CXorf65: variants seen among roughly 807,000 people sequenced by gnomAD.
The protein encoded by CXorf65 is chromosome X open reading frame 65.
For synonymous variants in CXorf65, 54 were observed against 51.4 expected, an observed-to-expected ratio of 1.05 and a Z score of -0.21; for missense variants, 137 against 144.7, an observed-to-expected ratio of 0.95 and a Z score of 0.27.
intron 5 of CXorf65, 43 bp from the exon 6 acceptor site, chrX:71,104,155 A>C (rs570723300): frequency 8.4e-7 from 1 of 1,193,348 alleles, no homozygotes; most frequent in South Asian, 1.8e-5. Flanking sequence ...CCTGCAGGGA[A>C]GGTTTCTACA....
At position 71,104,756 on chromosome X, in the gene CXorf65, T is replaced by C; in HGVS notation, c.319+13A>G. ...ACCCTTCATGTTCTTCCCTCCCCCA[T>C]CTCACTTCTTACCAAGCAGCCAAGG... is the stretch of plus-strand genomic sequence containing the variant. On this transcript the variant is annotated intron_variant, in intron 4 of 5. Coordinates refer to ENST00000374251, the MANE Select transcript of CXorf65 (RefSeq NM_001025265.3). 8.4e-7 allele frequency: 1 copy of C among 1,196,983 alleles called. No individual in the cohort carries two copies. Among genetic ancestry groups the C allele is most frequent in the Non-Finnish European group, 1.1e-6 (1 of 882,988 alleles).
At chrX:71,106,496 C>A in intron 1 of CXorf65, 36 bp downstream of exon 1, 1 of 1,206,292 alleles carries the variant, frequency 8.3e-7, no homozygotes, top group Non-Finnish European at 1.1e-6. Context: ...TCCCTCCACC[C>A]CCATCCACAG....
At chrX:71,104,265 G>T (rs767154758) in intron 5 of CXorf65, 33 bp downstream of exon 5, 1 of 1,127,166 alleles carries the variant, frequency 8.9e-7, no homozygotes, top group East Asian at 3.0e-5. Context: ...GGAGAGGGGG[G>T]TGCTGGGGCA....
At chrX:71,105,906 A>G in intron 3 of CXorf65, 94 bp downstream of exon 3, 1 of 978,031 alleles carries the variant, frequency 1.0e-6, no homozygotes, top group Non-Finnish European at 1.4e-6. Flanking sequence ...ATGAGCCACT[A>G]TGCCCAGCCT....
Position 71,104,734 on chromosome X carries a change from C to T in CXorf65, c.319+35G>A, listed in dbSNP as rs781582849. The T allele has an allele frequency of 1.0e-5, 12 of 1,145,979 alleles. No homozygotes were observed. In the Admixed American group the frequency reaches 2.4e-4, roughly 23 times the overall value. 94.4% of individuals were successfully genotyped at this position (1,145,979 alleles called of 1,213,427 possible). ...CCATCACACAGCTATATACTGTACC[C>T]TTCATGTTCTTCCCTCCCCCATCTC... On this transcript the variant is annotated intron_variant, in intron 4 of 5. Coordinates refer to ENST00000374251, the MANE Select transcript of CXorf65 (RefSeq NM_001025265.3).
At chrX:71,106,189 C>G (rs2092248379) in intron 2 of CXorf65, 52 bp from the exon 3 acceptor site, 2 of 1,164,237 alleles carry the variant, frequency 1.7e-6, no homozygotes. Flanking sequence ...AGAGTGGGAG[C>G]AAAAGGGGCC....
rs1334479331 is a variant in CXorf65 at position 71,104,048 on chromosome X, C to T, written c.491G>A (p.Arg164Lys). 1 of 1,209,413 alleles carries T rather than the reference C, an allele frequency of 8.3e-7. No individual in the cohort carries two copies. ...STRKSPTFRN[R>K]PDFRKNKGRQ... ...ACCTTTATTCTTCCTGAAGTCTGGT[C>T]TGTTCCTAAAGGTCGGAGACTTGCG... Residue 164 changes from arginine (R) to lysine (K), a missense_variant, in exon 6 of 6, where the codon AGA becomes AAA. Coordinates refer to ENST00000374251, the MANE Select transcript of CXorf65 (RefSeq NM_001025265.3).
chrX:71,106,132 T>G lies in CXorf65; in HGVS notation c.118A>C (p.Ile40Leu). 8.3e-7 allele frequency: 1 copy of G among 1,210,919 alleles called. No individual in the cohort carries two copies. Among genetic ancestry groups the G allele is most frequent in the South Asian group, 1.8e-5 (1 of 56,892 alleles). The part of the protein sequence containing the change: ...SKVKLPKTNT[I>L]DLCEQTGKMK... ...TTCCCCGTTTGTTCACACAAATCGA[T>G]GGTGTCTGGAGGGAGATCACAGGGT... is the stretch of plus-strand genomic sequence containing the variant. Residue 40 changes from isoleucine to leucine, a missense_variant, in exon 3 of 6, where the codon ATC (isoleucine) becomes CTC (leucine). Coordinates refer to ENST00000374251, the MANE Select transcript of CXorf65 (RefSeq NM_001025265.3).
At chrX:71,105,897 T>A in intron 3 of CXorf65, 103 bp downstream of exon 3, 1 of 895,557 alleles carries the variant, frequency 1.1e-6, no homozygotes, top group Non-Finnish European at 1.6e-6. Context: ...ATTACAAGCA[T>A]GAGCCACTAT....
In CXorf65 at chrX:71,104,753, C is replaced by T; in HGVS notation, c.319+16G>A. 1.7e-6 allele frequency: 2 copies of T among 1,196,434 alleles called. No individual in the cohort carries two copies. The highest frequency in any genetic ancestry group is 1.8e-5 in the South Asian group (1 of 56,628). On this transcript the variant is annotated intron_variant, in intron 4 of 5. Coordinates refer to ENST00000374251, the MANE Select transcript of CXorf65 (RefSeq NM_001025265.3). ...TGTACCCTTCATGTTCTTCCCTCCC[C>T]CATCTCACTTCTTACCAAGCAGCCA...
At chrX:71,105,249 T>C (rs2092244192) in intron 3 of CXorf65, among the ~76,000 whole-genome samples, 2 of 104,566 alleles carry the variant, frequency 1.9e-5, no homozygotes, top group Admixed American at 1.1e-4. Flanking sequence ...TCACAAAAAA[T>C]AAAATAAATA....
chrX:71,105,667 G>C lies in CXorf65; in HGVS notation c.250+333C>G, dbSNP rs148241208. On this transcript the variant is annotated intron_variant, in intron 3 of 5. Coordinates refer to ENST00000374251, the MANE Select transcript of CXorf65 (RefSeq NM_001025265.3). Reference sequence around the variant, plus strand: ...ATGTGTGAGGTAACCTATTATTATAGAGGCAGTACCCTTCCTTAGGCTGAC... The same window carrying C: ...ATGTGTGAGGTAACCTATTATTATACAGGCAGTACCCTTCCTTAGGCTGAC... 1.4e-4 allele frequency among the ~76,000 whole-genome samples: 15 copies of C among 110,803 alleles called. No homozygotes were observed. The East Asian group carries it at 4.2e-3, about 31-fold the overall frequency.
chrX:71,104,562 G>T, intron 4 of CXorf65, 158 bp from the exon 5 acceptor site: 1 of 498,598 alleles, frequency 2.0e-6, no homozygotes. Context: ...AGATGGCCAA[G>T]AAATGGGGGA....
chrX:71,105,280 A>C (rs5981073), intron 3 of CXorf65, among the ~76,000 whole-genome samples: 2 of 103,899 alleles, frequency 1.9e-5, no homozygotes, highest in Admixed American at 1.1e-4. Context: ...AATAAAGACT[A>C]CCTTGCCGGG....
chrX:71,104,910 G>A, intron 3 of CXorf65, 73 bp from the exon 4 acceptor site: 2 of 998,442 alleles, frequency 2.0e-6, no homozygotes, highest in Non-Finnish European at 2.8e-6. Context: ...CAAGATTCCA[G>A]GACCTAACAC....
In CXorf65 at chrX:71,104,308, G is replaced by T. The variant is rs773386520; in HGVS notation, c.416C>A (p.Ala139Glu). The part of the protein sequence containing the change: ...AKKVVIIEPP[A>E]SVPSKQSGRS... The stretch of plus-strand genomic sequence containing the variant: ...TTTGGCAAGTCTTACCGGGACACTC[G>T]CAGGGGGTTCAATTATAACGACCTT... Residue 139 changes from alanine (A) to glutamate (E), a missense_variant, in exon 5 of 6, where the codon GCG (alanine) becomes GAG (glutamate). Ala to Glu is a moderately radical substitution (Grantham distance 107, BLOSUM62 -1). Transcript: ENST00000374251. 16 of 1,202,407 alleles carry T rather than the reference G, an allele frequency of 1.3e-5. No homozygotes were observed. In the East Asian group the frequency reaches 4.1e-4, roughly 31 times the overall value.
chrX:71,104,187 A>C, intron 5 of CXorf65, 75 bp from the exon 6 acceptor site: 6 of 1,153,525 alleles, frequency 5.2e-6, no homozygotes, highest in Non-Finnish European at 7.0e-6. Flanking sequence ...AAGGAAGGAA[A>C]AAAGAAATTG....
Position 71,104,330 on chromosome X carries a change from C to T in CXorf65, c.394G>A (p.Val132Ile). 8.3e-7 allele frequency: 1 copy of T among 1,208,702 alleles called. No homozygotes were observed. The highest frequency in any genetic ancestry group is 1.8e-5 in the South Asian group (1 of 56,750). ...QMLKMKEAKK[V>I]VIIEPPASVP... ...CTCGCAGGGGGTTCAATTATAACGA[C>T]CTTCTTGGCTTCTTTCATTTTAAGC... Residue 132 changes from valine to isoleucine, a missense_variant, in exon 5 of 6, where the codon GTC (valine) becomes ATC (isoleucine). Physicochemically the swap from Val to Ile is conservative, Grantham distance 29. Transcript: ENST00000374251.
chrX:71,104,502 C>T, intron 4 of CXorf65, 98 bp from the exon 5 acceptor site: 1 of 607,108 alleles, frequency 1.6e-6, no homozygotes, highest in East Asian at 3.6e-5. Context: ...TGGAGCCCCA[C>T]TTGGCCTAAG....
Sources: allele counts gnomAD v4.1 joint callset (sites outside exome capture counted in the v4.1 genomes callset), GRCh38; gene constraint gnomAD v4.1.1; transcripts MANE v1.5; gene names NCBI Gene and HGNC (gene_info 2026-07-23, HGNC 2026-07-21).